Variants in SHISA9 observed in about 807,000 individuals in gnomAD.
The protein encoded by SHISA9 is protein shisa-9.
SHISA9 carries 13 observed loss-of-function variants against 38.0 expected under a neutral mutation model. The observed-to-expected ratio is 0.34, with a 90% CI of 0.22 to 0.54. The LOEUF is 0.54. Ranked by LOEUF, SHISA9 falls within the 20% of genes least tolerant of loss-of-function variation. The pLI is 0.91. For missense variants in SHISA9, 538 were observed against 575.8 expected (o/e 0.93, Z 0.67); for synonymous variants, 275 against 242.0 (o/e 1.14, Z -1.27).
chr16:13,455,324 G>A, the SHISA9 span, among the ~76,000 whole-genome samples: 4 of 152,150 alleles, frequency 2.6e-5, no homozygotes, highest in East Asian at 1.9e-4. Flanking sequence ...CATAGGATAT[G>A]TCTCTTATTT....
At chr16:13,014,357 A>G (rs940417900) in intron 2 of SHISA9, among the ~76,000 whole-genome samples, 3 of 152,180 alleles carry the variant, frequency 2.0e-5, no homozygotes, top group African/African-American at 7.2e-5. Context: ...ATTTCCTAAA[A>G]TCATTTGACC....
the SHISA9 span, among the ~76,000 whole-genome samples, chr16:13,497,156 TA>T: frequency 6.6e-6 from 1 of 152,210 alleles, no homozygotes; most frequent in African/African-American, 2.4e-5. Flanking sequence ...ATTTTATTTT[TA>T]ATTGACAAAT....
chr16:13,519,613 C>G, the SHISA9 span, among the ~76,000 whole-genome samples: 9 of 152,170 alleles, frequency 5.9e-5, no homozygotes, highest in South Asian at 4.2e-4. Context: ...AAGAAATACC[C>G]GAGACTGGGT....
chr16:13,114,141 A>T (rs1233526221), intron 2 of SHISA9, among the ~76,000 whole-genome samples: 1 of 152,130 alleles, frequency 6.6e-6, no homozygotes, highest in Non-Finnish European at 1.5e-5. Context: ...CTTTTTCTTA[A>T]ATTATAATTT....
chr16:12,908,340 G>A, intron 1 of SHISA9: 1 of 1,351,024 alleles, frequency 7.4e-7, no homozygotes, highest in South Asian at 1.4e-5. Flanking sequence ...TAGGAGGGAG[G>A]GTCTATATGT....
chr16:13,155,589 G>GGTGT lies in SHISA9; in HGVS notation c.692-47792_692-47789dup, dbSNP rs34008707. ...TCATAGTGTGTTTGTTTGTGTGTGTGGTGTGTGTGTGTGTGTCTGTGTGCA... is the reference window on the plus strand; with the variant it reads ...TCATAGTGTGTTTGTTTGTGTGTGTGGTGTGTGTGTGTGTGTGTGTCTGTGTGCA... On this transcript the variant is annotated intron_variant, in intron 2 of 4. Coordinates refer to ENST00000558583, the MANE Select transcript of SHISA9 (RefSeq NM_001145204.3). Among the ~76,000 whole-genome samples, 45 of 151,294 alleles carry GGTGT rather than the reference G, an allele frequency of 3.0e-4. 1 individual carries two copies. The highest frequency in any genetic ancestry group is 2.3e-3 in the South Asian group (11 of 4,776).
In SHISA9 at chr16:13,011,319, A is replaced by ATT. The variant is rs55755155; in HGVS notation, c.691+94520_691+94521dup. Among the ~76,000 whole-genome samples, 925 of 127,676 alleles carry ATT rather than the reference A, an allele frequency of 7.2e-3. 22 individuals are homozygous for ATT. Among genetic ancestry groups the ATT allele is most frequent in the Middle Eastern group, 0.018 (4 of 224 alleles). 83.8% of individuals were successfully genotyped at this position (127,676 alleles called of 152,430 possible). On this transcript the variant is annotated intron_variant, in intron 2 of 4. Transcript: ENST00000558583. Reference sequence around the variant, plus strand: ...TAACCATCATCTCATATTAGCACTCATTTTTTTTTTTTTTTTTGGCAAGAG... The same window carrying ATT: ...TAACCATCATCTCATATTAGCACTCATTTTTTTTTTTTTTTTTTTGGCAAGAG...
intron 2 of SHISA9, among the ~76,000 whole-genome samples, chr16:12,932,499 G>T (rs867318465): frequency 5.9e-5 from 9 of 152,006 alleles, no homozygotes; most frequent in Admixed American, 2.0e-4. Flanking sequence ...GCGCCACCAT[G>T]CCTCGCTAAT....
the SHISA9 span, among the ~76,000 whole-genome samples, chr16:13,323,970 G>A: frequency 6.6e-6 from 1 of 152,186 alleles, no homozygotes; most frequent in South Asian, 2.1e-4. Flanking sequence ...AATGACTTGA[G>A]GCTGTCCTTG....
intron 2 of SHISA9, among the ~76,000 whole-genome samples, chr16:13,091,317 T>C (rs1006275601): frequency 1.3e-5 from 2 of 152,164 alleles, no homozygotes; most frequent in Non-Finnish European, 2.9e-5. Context: ...GTGGTGTTCT[T>C]TGTATTTCCT....
At chr16:13,466,065 A>G in the SHISA9 span, among the ~76,000 whole-genome samples, 13 of 152,336 alleles carry the variant, frequency 8.5e-5, no homozygotes, top group East Asian at 2.3e-3. Flanking sequence ...GTGCACCATT[A>G]ACCATTACCC....
rs151242346 is a variant in SHISA9, at chr16:13,070,431, C to CG, written c.692-132960dup. ...AGGCTGGGACCTGACTCTGGGTTGG[C>CG]GGGCAGATTTTTTGGGTGATTCTTG... On this transcript the variant is annotated intron_variant, in intron 2 of 4. Transcript: ENST00000558583. Among the ~76,000 whole-genome samples the CG allele has an allele frequency of 2.4e-3, 370 of 152,290 alleles. 7 individuals are homozygous for CG. In the East Asian group the frequency reaches 0.035, roughly 14 times the overall value.
At chr16:13,112,619 G>A (rs1390227292) in intron 2 of SHISA9, among the ~76,000 whole-genome samples, 3 of 150,880 alleles carry the variant, frequency 2.0e-5, no homozygotes, top group African/African-American at 7.3e-5. Context: ...AGAAGCATGA[G>A]TTCGTGATTT....
At chr16:13,366,850 G>T in the SHISA9 span, among the ~76,000 whole-genome samples, 3 of 151,956 alleles carry the variant, frequency 2.0e-5, no homozygotes, top group Non-Finnish European at 4.4e-5. Context: ...GGGCATGGTG[G>T]CACATGCCTG....
chr16:13,188,024 G>T (rs2050844977), intron 2 of SHISA9, among the ~76,000 whole-genome samples: 2 of 152,146 alleles, frequency 1.3e-5, no homozygotes, highest in Non-Finnish European at 2.9e-5. Context: ...GTTATTACCT[G>T]ATCAATGTAG....
chr16:13,106,197 T>A (rs2073923899), intron 2 of SHISA9, among the ~76,000 whole-genome samples: 1 of 152,182 alleles, frequency 6.6e-6, no homozygotes, highest in African/African-American at 2.4e-5. Flanking sequence ...TCTGCTACCT[T>A]CCAAATTTTG....
At chr16:13,493,522 G>A in the SHISA9 span, among the ~76,000 whole-genome samples, 1 of 152,176 alleles carries the variant, frequency 6.6e-6, no homozygotes, top group Non-Finnish European at 1.5e-5. Flanking sequence ...ACGGGGCTCT[G>A]ATAGGTAGGA....
At chr16:13,358,987 AG>A in the SHISA9 span, among the ~76,000 whole-genome samples, 3 of 152,354 alleles carry the variant, frequency 2.0e-5, no homozygotes, top group South Asian at 2.1e-4. Context: ...ACCTCCTCAG[AG>A]GCATGAAGCC....
intron 2 of SHISA9, among the ~76,000 whole-genome samples, chr16:12,938,950 C>T (rs1429919740): frequency 6.6e-6 from 1 of 152,132 alleles, no homozygotes; most frequent in African/African-American, 2.4e-5. Context: ...GAGTATGTGC[C>T]ATGTTCCAAG....
Sources: allele counts gnomAD v4.1 joint callset (sites outside exome capture counted in the v4.1 genomes callset), GRCh38; gene constraint gnomAD v4.1.1; transcripts MANE v1.5; gene names NCBI Gene and HGNC (gene_info 2026-07-23, HGNC 2026-07-21).